RHOBTB3: variants seen among roughly 807,000 people sequenced by gnomAD.
RHOBTB3 encodes the protein rho-related BTB domain-containing protein 3.
Under a neutral mutation model 67.2 loss-of-function variants are expected in RHOBTB3, and 47 were observed. The observed-to-expected ratio is 0.70, with a 90% CI of 0.55 to 0.89. RHOBTB3 has a LOEUF of 0.89. RHOBTB3 is among the 40% of genes least tolerant of loss of function. RHOBTB3 has a pLI of 0.00. For synonymous variants in RHOBTB3, 273 were observed against 274.2 expected (o/e 1.00, Z 0.04); for missense variants, 631 against 750.0 (o/e 0.84, Z 1.85).
In RHOBTB3 at chr5:95,783,784, C is replaced by T. The variant is rs899855740; in HGVS notation, c.1457-13C>T. The stretch of plus-strand genomic sequence containing the variant: ...TCATCATCCACTTTCTCTCATGTCC[C>T]TTTTCTCATCAGCTGGCATATTCCA... On this transcript the variant is annotated splice_polypyrimidine_tract_variant and intron_variant, in intron 9 of 11. Transcript: ENST00000379982. 53 of 1,598,194 alleles carry T rather than the reference C, an allele frequency of 3.3e-5. No homozygotes were observed. Among genetic ancestry groups the T allele is most frequent in the Middle Eastern group, 1.7e-4 (1 of 6,032 alleles).
intron 1 of RHOBTB3, among the ~76,000 whole-genome samples, chr5:95,722,266 C>T (rs912133881): frequency 2.0e-5 from 3 of 152,038 alleles, no homozygotes; most frequent in Non-Finnish European, 2.9e-5. Context: ...CAAATTATAG[C>T]AATACTGAAC....
chr5:95,777,413 T>C (rs188875242), intron 8 of RHOBTB3, among the ~76,000 whole-genome samples: 23 of 152,374 alleles, frequency 1.5e-4, no homozygotes, highest in African/African-American at 5.5e-4. Flanking sequence ...CTTTTCATTT[T>C]TGTTTCACTC....
intron 3 of RHOBTB3, among the ~76,000 whole-genome samples, chr5:95,738,422 C>A (rs1297734348): frequency 6.6e-6 from 1 of 152,164 alleles, no homozygotes; most frequent in Non-Finnish European, 1.5e-5. Context: ...ATTTGTTCCC[C>A]AAAGTTCATG....
chr5:95,764,109 C>T (rs1397742957), intron 7 of RHOBTB3, among the ~76,000 whole-genome samples: 1 of 152,124 alleles, frequency 6.6e-6, no homozygotes, highest in African/African-American at 2.4e-5. Flanking sequence ...CACACTCGGC[C>T]CTATCTTAGA....
chr5:95,788,112 G>A (rs747328313), intron 10 of RHOBTB3, among the ~76,000 whole-genome samples: 3 of 152,258 alleles, frequency 2.0e-5, no homozygotes, highest in Non-Finnish European at 2.9e-5. Context: ...TTGGTGGTTG[G>A]ATGGATCAGT....
intron 8 of RHOBTB3, chr5:95,770,070 A>G (rs374045317): frequency 6.2e-6 from 2 of 322,214 alleles, no homozygotes; most frequent in Middle Eastern, 1.1e-3. Context: ...ACCAAAGGTG[A>G]TGCTATGCTC....
chr5:95,769,332 G>T (rs535306580), intron 8 of RHOBTB3: 2 of 472,650 alleles, frequency 4.2e-6, no homozygotes, highest in Non-Finnish European at 8.4e-6. Flanking sequence ...AGAGGCTGGG[G>T]ATGGCACCAC....
At position 95,752,292 on chromosome 5, in the gene RHOBTB3, G is replaced by A; in HGVS notation, c.624G>A (p.Lys208=). ...ALNQKTSEKM[K]KRKMSNSFHG... The stretch of plus-strand genomic sequence containing the variant: ...ATCAGAAGACAAGTGAAAAAATGAA[G>A]AAAAGAAAAATGAGCAACTCCTTTC... The change falls in exon 5 of 12, where the codon AAG becomes AAA. Residue 208 remains lysine (K), a synonymous_variant. Coordinates refer to ENST00000379982, the MANE Select transcript of RHOBTB3 (RefSeq NM_014899.4). The A allele has an allele frequency of 6.2e-7, 1 of 1,604,522 alleles. No homozygotes were observed. The highest frequency in any genetic ancestry group is 8.5e-7 in the Non-Finnish European group (1 of 1,176,728).
At chr5:95,768,624 G>A (rs1745616434) in intron 8 of RHOBTB3, among the ~76,000 whole-genome samples, 1 of 152,110 alleles carries the variant, frequency 6.6e-6, no homozygotes, top group Non-Finnish European at 1.5e-5. Flanking sequence ...TTGAGCAAAA[G>A]GACTGAGGGT....
At chr5:95,749,754 T>G (rs777210098) in intron 4 of RHOBTB3, among the ~76,000 whole-genome samples, 8 of 152,212 alleles carry the variant, frequency 5.3e-5, no homozygotes, top group African/African-American at 1.7e-4. Context: ...GATAGTTTTA[T>G]GCACTAGATT....
intron 3 of RHOBTB3, among the ~76,000 whole-genome samples, chr5:95,742,449 A>G (rs1039185838): frequency 6.6e-6 from 1 of 152,136 alleles, no homozygotes; most frequent in Non-Finnish European, 1.5e-5. Context: ...AGGTCTAGGA[A>G]AGTCTTAACT....
At chr5:95,772,476 C>T (rs914942541) in intron 8 of RHOBTB3, among the ~76,000 whole-genome samples, 2 of 152,056 alleles carry the variant, frequency 1.3e-5, no homozygotes, top group African/African-American at 2.4e-5. Flanking sequence ...ATGTTTTAGA[C>T]CTTTGTCTGC....
upstream of RHOBTB3, among the ~76,000 whole-genome samples, chr5:95,727,691 A>T (rs190338740): frequency 6.0e-4 from 92 of 152,338 alleles, no homozygotes; most frequent in Non-Finnish European, 9.4e-4. Flanking sequence ...ACATAAACCA[A>T]ATAAAAATTT....
chr5:95,779,275 G>A (rs1040325332), intron 8 of RHOBTB3, among the ~76,000 whole-genome samples: 6 of 152,276 alleles, frequency 3.9e-5, no homozygotes, highest in Middle Eastern at 3.4e-3. Flanking sequence ...TGTCTTCTAC[G>A]AAAGTAAAAA....
chr5:95,752,857 C>T (rs1457062859), intron 5 of RHOBTB3, among the ~76,000 whole-genome samples: 2 of 152,054 alleles, frequency 1.3e-5, no homozygotes, highest in African/African-American at 4.8e-5. Context: ...GAGTCCCGGG[C>T]GCGGTGGCTC....
chr5:95,732,359 A>G (rs1241177583), intron 2 of RHOBTB3: 1 of 582,566 alleles, frequency 1.7e-6, no homozygotes, highest in East Asian at 2.8e-5. Context: ...GGTAGGCAGC[A>G]GACAGTTGAA....
chr5:95,747,244 A>G (rs1358863680), intron 3 of RHOBTB3, among the ~76,000 whole-genome samples: 1 of 152,186 alleles, frequency 6.6e-6, no homozygotes, highest in Non-Finnish European at 1.5e-5. Context: ...CTAAAAGGCC[A>G]TCTAAGCTCC....
Position 95,731,503 on chromosome 5 carries a change from C to T in RHOBTB3, c.-180C>T, listed in dbSNP as rs1755244052. On this transcript the variant is annotated 5_prime_UTR_variant, in exon 1 of 12. Coordinates refer to ENST00000379982, the MANE Select transcript of RHOBTB3 (RefSeq NM_014899.4). Reference sequence around the variant, plus strand: ...CGCTAGCCCGCCCTGGTCCCCGGCTCGCTCGCTGGCTGGCGCGGCCCCGGC... The same window carrying T: ...CGCTAGCCCGCCCTGGTCCCCGGCTTGCTCGCTGGCTGGCGCGGCCCCGGC... 7 of 1,248,108 alleles carry T rather than the reference C, an allele frequency of 5.6e-6. No individual in the cohort carries two copies. The highest frequency in any genetic ancestry group is 6.8e-5 in the South Asian group (2 of 29,520). The allele number at this position is 1,248,108 out of a possible 1,614,324, so 77.3% of individuals were successfully genotyped here.
intron 8 of RHOBTB3, among the ~76,000 whole-genome samples, chr5:95,771,987 G>A (rs3756707): frequency 0.028 from 4,190 of 152,142 alleles, 106 homozygotes; most frequent in South Asian, 0.1. Context: ...TATGGAGATC[G>A]AATCAGTTTC....
Sources: gnomAD v4.1 joint callset for allele counts (sites outside exome capture counted in the v4.1 genomes callset) on GRCh38, gnomAD v4.1.1 for gene constraint, MANE v1.5 for transcripts, NCBI Gene and HGNC (gene_info 2026-07-23, HGNC 2026-07-21) for gene names.